The following PTPRO variants were observed in gnomAD, a reference collection of about 807,000 sequenced individuals.
PTPRO encodes the protein receptor-type tyrosine-protein phosphatase O.
A neutral mutation model predicts 145.2 loss-of-function variants in PTPRO; 62 were observed. The observed-to-expected ratio is 0.43, with a 90% CI of 0.35 to 0.53. The LOEUF (loss-of-function observed/expected upper bound fraction) is 0.53, where lower values mean the gene tolerates loss of function less well. Ranked by LOEUF, PTPRO falls within the 20% of genes least tolerant of loss-of-function variation. PTPRO has a pLI of 0.01. For synonymous variants in PTPRO, 565 were observed against 514.7 expected, an observed-to-expected ratio of 1.10 and a Z score of -1.32; for missense variants, 1,345 against 1,482.7, an observed-to-expected ratio of 0.91 and a Z score of 1.53.
chr12:15,353,751 ATTG>A (rs1259199798), intron 1 of PTPRO, among the ~76,000 whole-genome samples: 3 of 152,280 alleles, frequency 2.0e-5, no homozygotes, highest in African/African-American at 7.2e-5. Flanking sequence ...ATTCCAAAAA[ATTG>A]TTGCCATGAC....
rs1002623009 is a variant in PTPRO, at chr12:15,597,034, T to A, written c.*961T>A. 6.6e-5 allele frequency: 10 copies of A among 152,662 alleles called. No individual in the cohort carries two copies. Among genetic ancestry groups the A allele is most frequent in the African/African-American group, 2.4e-4 (10 of 41,446 alleles). The allele number at this position is 152,662 out of a possible 1,614,324, so 9.5% of individuals were successfully genotyped here. On this transcript the variant is annotated 3_prime_UTR_variant, in exon 27 of 27. Transcript: ENST00000281171. ...TTTCTTTCCCCCAAAGAGCTGGGAATTTATGAAGTTATGGCAATGAACTGC... is the reference window on the plus strand; with the variant it reads ...TTTCTTTCCCCCAAAGAGCTGGGAAATTATGAAGTTATGGCAATGAACTGC...
intron 1 of PTPRO, among the ~76,000 whole-genome samples, chr12:15,365,133 G>A (rs1938322395): frequency 6.6e-6 from 1 of 152,072 alleles, no homozygotes; most frequent in Admixed American, 6.6e-5. Context: ...TAATTTTGAT[G>A]ACACTGATTT....
At chr12:15,329,771 A>T (rs1234908398) in intron 1 of PTPRO, among the ~76,000 whole-genome samples, 1 of 152,202 alleles carries the variant, frequency 6.6e-6, no homozygotes, top group Non-Finnish European at 1.5e-5. Flanking sequence ...TGGTCATTAG[A>T]ATATGGTGTT....
At position 15,581,759 on chromosome 12, in the gene PTPRO, A is replaced by G. The variant is rs752994893; in HGVS notation, c.3213A>G (p.Glu1071=). 15 of 1,613,922 alleles carry G rather than the reference A, an allele frequency of 9.3e-6. No homozygotes were observed. Among genetic ancestry groups the G allele is most frequent in the East Asian group, 2.2e-5 (1 of 44,850 alleles). The stretch of plus-strand genomic sequence containing the variant: ...TCACTGTGGAGATGATTTCAGAGGA[A>G]GAGCAGGACGACTGGGCCTGTAGAC... The part of the protein sequence containing the change: ...GDITVEMISE[E]EQDDWACRHF... Residue 1071 remains glutamate, a synonymous_variant, in exon 23 of 27, where the codon GAA becomes GAG. Coordinates refer to ENST00000281171, the MANE Select transcript of PTPRO (RefSeq NM_030667.3).
intron 12 of PTPRO, among the ~76,000 whole-genome samples, chr12:15,537,024 C>T (rs1943079501): frequency 6.6e-6 from 1 of 152,094 alleles, no homozygotes; most frequent in East Asian, 1.9e-4. Context: ...TGAGTAAAAG[C>T]AGCCTAGAGA....
intron 1 of PTPRO, among the ~76,000 whole-genome samples, chr12:15,406,415 G>T (rs1407506318): frequency 6.6e-6 from 1 of 152,150 alleles, no homozygotes. Context: ...TCCCCAGCAA[G>T]AACATGCTTT....
chr12:15,386,614 T>C (rs1286026192), intron 1 of PTPRO, among the ~76,000 whole-genome samples: 2 of 152,198 alleles, frequency 1.3e-5, no homozygotes, highest in African/African-American at 4.8e-5. Flanking sequence ...GTTAAGCCTA[T>C]ATATGCATAT....
chr12:15,425,964 T>C (rs1219387506), intron 1 of PTPRO, among the ~76,000 whole-genome samples: 2 of 151,836 alleles, frequency 1.3e-5, no homozygotes, highest in Non-Finnish European at 2.9e-5. Flanking sequence ...TTTGGTGGAG[T>C]AGATTAAATA....
chr12:15,470,126 GAAGTCAGTCAC>G (rs1385083337), intron 1 of PTPRO, among the ~76,000 whole-genome samples: 1 of 152,156 alleles, frequency 6.6e-6, no homozygotes, highest in Non-Finnish European at 1.5e-5. Flanking sequence ...TATTCTAGAA[GAAGTCAGTCAC>G]AGTTTGTGCT....
intron 7 of PTPRO, among the ~76,000 whole-genome samples, chr12:15,512,391 A>G (rs541519065): frequency 1.1e-4 from 16 of 152,298 alleles, no homozygotes; most frequent in African/African-American, 3.4e-4. Flanking sequence ...CTGGGATTAC[A>G]GGCGTGAGCC....
intron 1 of PTPRO, among the ~76,000 whole-genome samples, chr12:15,334,623 G>A (rs901160027): frequency 6.6e-6 from 1 of 152,044 alleles, no homozygotes; most frequent in Non-Finnish European, 1.5e-5. Flanking sequence ...ACTGAAGTTT[G>A]GGTTAGCTGT....
At chr12:15,447,528 C>T (rs1015549371) in intron 1 of PTPRO, among the ~76,000 whole-genome samples, 2 of 152,070 alleles carry the variant, frequency 1.3e-5, no homozygotes, top group Admixed American at 1.3e-4. Context: ...AGCAAGGCAG[C>T]ACTGACAAAA....
chr12:15,404,188 C>CAAA (rs370733389), intron 1 of PTPRO, among the ~76,000 whole-genome samples: 225 of 49,340 alleles, frequency 4.6e-3, no homozygotes, highest in Middle Eastern at 0.025. Flanking sequence ...GACCCCATCT[C>CAAA]AAAAAAAAAA....
rs562733941 is a variant in PTPRO, at chr12:15,597,791, C to T, written c.*1718C>T. ...CCACCTCCTCCTCTTCTTCTCACCC[C>T]CGACTCCTTTATTTCCCTTTTTGGA... On this transcript the variant is annotated 3_prime_UTR_variant, in exon 27 of 27. Transcript: ENST00000281171. Among the ~76,000 whole-genome samples, 1 of 152,166 alleles carries T rather than the reference C, an allele frequency of 6.6e-6. No individual in the cohort carries two copies. The highest frequency in any genetic ancestry group is 6.5e-5 in the Admixed American group (1 of 15,278).
At position 15,549,197 on chromosome 12, in the gene PTPRO, T is replaced by C. The variant is rs1233022208; in HGVS notation, c.2408T>C (p.Val803Ala). 1 of 1,612,760 alleles carries C rather than the reference T, an allele frequency of 6.2e-7. No homozygotes were observed. The highest frequency in any genetic ancestry group is 8.5e-7 in the Non-Finnish European group (1 of 1,179,298). Residue 803 changes from valine to alanine, a missense_variant, in exon 14 of 27, where the codon GTC becomes GCC. Around this residue, in one of 3 missense-constraint regions of PTPRO, gnomAD observed 1,130 missense variants for 1,214.7 expected, o/e 0.93. Coordinates refer to ENST00000281171, the MANE Select transcript of PTPRO (RefSeq NM_030667.3). ...AGCTTTAGCCATGACAGCCCCAGTGTCCCTACGTTCATAGCCGTCTCAACA... is the reference window on the plus strand; with the variant it reads ...AGCTTTAGCCATGACAGCCCCAGTGCCCCTACGTTCATAGCCGTCTCAACA... Reference protein sequence around the residue: ...VTSFSHDSPSVPTFIAVSTMV... With the variant: ...VTSFSHDSPSAPTFIAVSTMV...
At chr12:15,329,783 T>C (rs867759755) in intron 1 of PTPRO, among the ~76,000 whole-genome samples, 1 of 152,236 alleles carries the variant, frequency 6.6e-6, no homozygotes, top group Non-Finnish European at 1.5e-5. Context: ...TATGGTGTTT[T>C]GTTTTACGGA....
rs560468197 is a variant in PTPRO at position 15,539,612 on chromosome 12, A to C, written c.2165-6957A>C. On this transcript the variant is annotated intron_variant, in intron 12 of 26. Transcript: ENST00000281171. ...CCCTGTTTCTACTAAAACTACAAAA[A>C]TTAGCTGGGTGTAGTCGTAGGTACC... 2.3e-3 allele frequency among the ~76,000 whole-genome samples: 356 copies of C among 151,912 alleles called. 1 individual carries two copies. The highest frequency in any genetic ancestry group is 4.1e-3 in the Non-Finnish European group (280 of 67,952).
chr12:15,542,021 AT>A (rs1392526926), intron 12 of PTPRO, among the ~76,000 whole-genome samples: 27 of 152,208 alleles, frequency 1.8e-4, no homozygotes, highest in African/African-American at 6.3e-4. Context: ...AAAAAAAAAA[AT>A]AGTCACATTC....
intron 1 of PTPRO, among the ~76,000 whole-genome samples, chr12:15,385,100 A>G (rs1244390226): frequency 6.6e-6 from 1 of 152,232 alleles, no homozygotes; most frequent in African/African-American, 2.4e-5. Context: ...GCTGATTTCC[A>G]TACAATAATC....
Sources: gnomAD v4.1 joint callset for allele counts (sites outside exome capture counted in the v4.1 genomes callset) on GRCh38, gnomAD v4.1.1 for gene constraint, gnomAD v4.1.1 regional missense constraint, MANE v1.5 for transcripts, NCBI Gene and HGNC (gene_info 2026-07-23, HGNC 2026-07-21) for gene names.